The following RASAL2 variants were observed in gnomAD, a reference collection of about 807,000 sequenced individuals.
RASAL2 encodes the protein ras GTPase-activating protein nGAP.
Under a neutral mutation model 128.9 loss-of-function variants are expected in RASAL2, and 58 were observed. The observed-to-expected ratio is 0.45, with a 90% confidence interval of 0.36 to 0.56. The LOEUF (loss-of-function observed/expected upper bound fraction) is 0.56. Ranked by LOEUF, RASAL2 falls within the 20% of genes least tolerant of loss-of-function variation. RASAL2 has a pLI of 0.00. For missense variants in RASAL2, 1,360 were observed against 1,601.6 expected (o/e 0.85, Z 2.57); for synonymous variants, 561 against 580.8 (o/e 0.97, Z 0.49).
intron 17 of RASAL2, among the ~76,000 whole-genome samples, chr1:178,469,643 T>C (rs1648078445): frequency 6.6e-6 from 1 of 152,220 alleles, no homozygotes; most frequent in Non-Finnish European, 1.5e-5. Context: ...GTTAATGTTT[T>C]CAGTCCATAC....
intron 1 of RASAL2, among the ~76,000 whole-genome samples, chr1:178,244,157 G>A (rs1469957810): frequency 6.6e-6 from 1 of 152,166 alleles, no homozygotes; most frequent in South Asian, 2.1e-4. Flanking sequence ...GTACTGGGAT[G>A]GATAGTATTC....
chr1:178,416,656 C>A (rs940460518), intron 4 of RASAL2, among the ~76,000 whole-genome samples: 12 of 151,992 alleles, frequency 7.9e-5, no homozygotes, highest in African/African-American at 2.9e-4. Context: ...CTACTGGCAA[C>A]ATTTTTCCTC....
intron 1 of RASAL2, among the ~76,000 whole-genome samples, chr1:178,133,283 G>C (rs1660188622): frequency 6.6e-6 from 1 of 152,026 alleles, no homozygotes; most frequent in Non-Finnish European, 1.5e-5. Context: ...CTGCCTTTTT[G>C]TTATAAATAT....
intron 1 of RASAL2, among the ~76,000 whole-genome samples, chr1:178,183,603 A>C (rs555176428): frequency 1.9e-4 from 29 of 152,308 alleles, no homozygotes; most frequent in Middle Eastern, 3.4e-3. Flanking sequence ...AGACTTCTCA[A>C]ACTGACTCCT....
intron 1 of RASAL2, among the ~76,000 whole-genome samples, chr1:178,227,279 T>C (rs935783054): frequency 6.6e-5 from 10 of 152,248 alleles, no homozygotes; most frequent in Non-Finnish European, 1.0e-4. Flanking sequence ...CGTCTTGTCT[T>C]ACATGTCGTT....
At chr1:178,200,725 T>A (rs977332342) in intron 1 of RASAL2, among the ~76,000 whole-genome samples, 46 of 152,268 alleles carry the variant, frequency 3.0e-4, no homozygotes, top group African/African-American at 1.0e-3. Flanking sequence ...TGGAAAAGAA[T>A]GGGACCCTGC....
chr1:178,390,306 T>C (rs1161859495), intron 4 of RASAL2, 100 bp downstream of exon 4: 8 of 772,442 alleles, frequency 1.0e-5, no homozygotes, highest in Non-Finnish European at 1.6e-5. Flanking sequence ...ATTCTTCTCT[T>C]CAAGAATTTC....
intron 2 of RASAL2, among the ~76,000 whole-genome samples, chr1:178,289,011 C>A (rs1373079310): frequency 6.6e-6 from 1 of 152,078 alleles, no homozygotes; most frequent in Non-Finnish European, 1.5e-5. Context: ...CCAGATACCA[C>A]CCCTTTCTCT....
Position 178,094,241 on chromosome 1 carries a change from A to G in RASAL2, c.-252A>G. 7.8e-6 allele frequency: 4 copies of G among 515,294 alleles called. No homozygotes were observed. The South Asian group carries it at 1.1e-4, about 14-fold the overall frequency. 31.9% of individuals were successfully genotyped at this position (515,294 alleles called of 1,614,324 possible). On this transcript the variant is annotated 5_prime_UTR_variant, in exon 1 of 18. Transcript: ENST00000367649. ...CCCACACACACCTGAGCCCGGACCCACCCTTGGTCGGGGCCACGCTGGATC... is the reference window on the plus strand; with the variant it reads ...CCCACACACACCTGAGCCCGGACCCGCCCTTGGTCGGGGCCACGCTGGATC...
rs1386246554 is a variant in RASAL2, at chr1:178,094,145, A to G, written c.-348A>G. ...GCGAGAGACGCCGGCGGGGCTGAAG[A>G]AGGCGGCTCCGAGGAGGTGGGAGGG... is the stretch of plus-strand genomic sequence containing the variant. On this transcript the variant is annotated 5_prime_UTR_variant, in exon 1 of 18. Transcript: ENST00000367649. The G allele has an allele frequency of 3.3e-6, 1 of 299,458 alleles. No individual in the cohort carries two copies. Among genetic ancestry groups the G allele is most frequent in the Non-Finnish European group, 6.2e-6 (1 of 162,524 alleles). The allele number at this position is 299,458 out of a possible 1,614,324, so 18.6% of individuals were successfully genotyped here.
intron 3 of RASAL2, among the ~76,000 whole-genome samples, chr1:178,379,471 T>C (rs996466521): frequency 6.6e-6 from 1 of 152,008 alleles, no homozygotes; most frequent in Admixed American, 6.5e-5. Context: ...GAATCAGTAG[T>C]TTAAAATCTA....
At chr1:178,266,793 T>TG (rs1665973439) in intron 1 of RASAL2, among the ~76,000 whole-genome samples, 1 of 152,036 alleles carries the variant, frequency 6.6e-6, no homozygotes, top group Admixed American at 6.6e-5. Flanking sequence ...ATGTAGCCTG[T>TG]GGGAAAAAAC....
At chr1:178,381,350 G>A (rs997085272) in intron 3 of RASAL2, among the ~76,000 whole-genome samples, 14 of 152,106 alleles carry the variant, frequency 9.2e-5, no homozygotes, top group Non-Finnish European at 1.5e-5. Flanking sequence ...AGATTAGGAT[G>A]GTGGATGGTA....
At chr1:178,430,844 T>A (rs1675840383) in intron 5 of RASAL2, among the ~76,000 whole-genome samples, 1 of 151,700 alleles carries the variant, frequency 6.6e-6, no homozygotes, top group Admixed American at 6.6e-5. Flanking sequence ...TTGTTGTGTG[T>A]GTTGATACGA....
intron 3 of RASAL2, among the ~76,000 whole-genome samples, chr1:178,331,551 A>G (rs1178224449): frequency 6.6e-6 from 1 of 150,622 alleles, no homozygotes; most frequent in Non-Finnish European, 1.5e-5. Context: ...GAGTGAAATA[A>G]TCATGTTTCT....
At chr1:178,173,314 G>A (rs564123576) in intron 1 of RASAL2, among the ~76,000 whole-genome samples, 7 of 152,220 alleles carry the variant, frequency 4.6e-5, no homozygotes, top group East Asian at 1.9e-4. Flanking sequence ...CAGTAAGGCA[G>A]TGTGGTCTGT....
At chr1:178,160,739 A>C (rs976997081) in intron 1 of RASAL2, among the ~76,000 whole-genome samples, 7 of 152,226 alleles carry the variant, frequency 4.6e-5, no homozygotes. Context: ...TGAAAACCTG[A>C]CTTATGGAAC....
chr1:178,350,648 T>C (rs1045027374), intron 3 of RASAL2, among the ~76,000 whole-genome samples: 3 of 152,166 alleles, frequency 2.0e-5, no homozygotes, highest in African/African-American at 7.2e-5. Flanking sequence ...GAGTCCTCTT[T>C]CAAACTTGTT....
intron 1 of RASAL2, among the ~76,000 whole-genome samples, chr1:178,273,961 C>A (rs973748363): frequency 6.6e-6 from 1 of 152,120 alleles, no homozygotes; most frequent in African/African-American, 2.4e-5. Context: ...GGATAACATT[C>A]TTTAGAGATG....
Sources: allele counts gnomAD v4.1 joint callset (sites outside exome capture counted in the v4.1 genomes callset), GRCh38; gene constraint gnomAD v4.1.1; transcripts MANE v1.5; gene names NCBI Gene and HGNC (gene_info 2026-07-23, HGNC 2026-07-21).